GPHN: variants seen among roughly 807,000 people sequenced by gnomAD.
The protein encoded by GPHN is gephyrin.
GPHN carries 17 observed loss-of-function variants against 95.5 expected under a neutral mutation model. The ratio of observed to expected loss-of-function variants is 0.18; its 90% confidence interval spans 0.12 to 0.27. The LOEUF (loss-of-function observed/expected upper bound fraction) is 0.27. GPHN is among the 10% of genes least tolerant of loss of function. The pLI, the probability that GPHN is intolerant of heterozygous loss-of-function variation, is 1.00. For synonymous variants in GPHN, 320 were observed against 322.5 expected (o/e 0.99, Z 0.08); for missense variants, 660 against 978.1 (o/e 0.67, Z 4.34).
At chr14:67,048,843 A>C (rs1444427304) in intron 10 of GPHN, among the ~76,000 whole-genome samples, 2 of 152,248 alleles carry the variant, frequency 1.3e-5, no homozygotes, top group African/African-American at 2.4e-5. Context: ...AGTTTAATAA[A>C]GCTAATGCCC....
At chr14:67,063,833 TGAGACGATG>T (rs1295863617) in intron 11 of GPHN, among the ~76,000 whole-genome samples, 2 of 152,346 alleles carry the variant, frequency 1.3e-5, no homozygotes, top group Admixed American at 1.3e-4. Flanking sequence ...GATTTTGGGC[TGAGACGATG>T]GAGTTTTCTA....
At chr14:67,406,084 C>A in the GPHN span, among the ~76,000 whole-genome samples, 1 of 152,012 alleles carries the variant, frequency 6.6e-6, no homozygotes, top group Admixed American at 6.6e-5. Flanking sequence ...AAAGGTTAAA[C>A]CCCGTCTCTA....
At position 67,067,845 on chromosome 14, in the gene GPHN, G is replaced by A. The variant is rs374518252; in HGVS notation, c.1144+9059G>A. 1.2e-4 allele frequency among the ~76,000 whole-genome samples: 18 copies of A among 152,294 alleles called. No homozygotes were observed. The East Asian group carries it at 2.3e-3, about 20-fold the overall frequency. Reference sequence around the variant, plus strand: ...TTTGGGCAGGAATGCCCCGTTTTTCGAGGTACAATCTGTCACGGCTTCCCT... The same window carrying A: ...TTTGGGCAGGAATGCCCCGTTTTTCAAGGTACAATCTGTCACGGCTTCCCT... On this transcript the variant is annotated intron_variant, in intron 11 of 22. Coordinates refer to ENST00000478722, the MANE Select transcript of GPHN (RefSeq NM_020806.5).
intron 1 of GPHN, among the ~76,000 whole-genome samples, chr14:66,659,164 G>A (rs2065484458): frequency 6.6e-6 from 1 of 151,658 alleles, no homozygotes; most frequent in Non-Finnish European, 1.5e-5. Context: ...TACAGAGTGT[G>A]TGTGTGTGTT....
intron 4 of GPHN, among the ~76,000 whole-genome samples, chr14:66,864,440 A>G (rs117413539): frequency 0.012 from 1,833 of 152,278 alleles, 19 homozygotes; most frequent in Non-Finnish European, 0.018. Flanking sequence ...GAGCTACCAT[A>G]TGATCCAGCA....
At chr14:67,118,579 T>G (rs1350310602) in intron 16 of GPHN, among the ~76,000 whole-genome samples, 1 of 151,838 alleles carries the variant, frequency 6.6e-6, no homozygotes, top group Non-Finnish European at 1.5e-5. Flanking sequence ...TACAAAAAAA[T>G]TAGCCGGGTG....
intron 1 of GPHN, among the ~76,000 whole-genome samples, chr14:66,653,472 G>A (rs918587173): frequency 4.6e-5 from 7 of 152,106 alleles, no homozygotes; most frequent in African/African-American, 1.4e-4. Flanking sequence ...GTAATATTTA[G>A]CAAAACAGTA....
At chr14:66,983,685 T>C (rs192438003) in intron 9 of GPHN, among the ~76,000 whole-genome samples, 20 of 152,352 alleles carry the variant, frequency 1.3e-4, no homozygotes, top group Non-Finnish European at 2.4e-4. Flanking sequence ...TCTTATAATC[T>C]AGTTTTTACA....
chr14:67,166,114 G>A (rs72717317), intron 20 of GPHN, among the ~76,000 whole-genome samples: 7,736 of 152,166 alleles, frequency 0.051, 214 homozygotes, highest in Middle Eastern at 0.068. Flanking sequence ...AAATGGAAAT[G>A]TAAAGAAATG....
intron 2 of GPHN, among the ~76,000 whole-genome samples, chr14:66,770,091 C>T (rs1338433111): frequency 6.6e-6 from 1 of 152,100 alleles, no homozygotes; most frequent in Non-Finnish European, 1.5e-5. Flanking sequence ...TGATGTTGAG[C>T]TTTTTCTCAT....
At chr14:67,174,703 TAA>T (rs2082820039) in intron 21 of GPHN, among the ~76,000 whole-genome samples, 1 of 152,214 alleles carries the variant, frequency 6.6e-6, no homozygotes, top group African/African-American at 2.4e-5. Flanking sequence ...ACCAACAGTG[TAA>T]AAGTGTTCCT....
At chr14:67,183,709 A>T (rs112078143), downstream of GPHN, among the ~76,000 whole-genome samples, 463 of 151,336 alleles carry the variant, frequency 3.1e-3, 5 homozygotes, top group African/African-American at 0.011. Flanking sequence ...GATTACAGGC[A>T]TGCACCGCCA....
At chr14:67,285,875 G>T in the GPHN span, among the ~76,000 whole-genome samples, 1 of 152,044 alleles carries the variant, frequency 6.6e-6, no homozygotes, top group Non-Finnish European at 1.5e-5. Flanking sequence ...GTGGATTTGT[G>T]GACCCATGTG....
At chr14:66,545,779 A>T (rs1594902535) in intron 1 of GPHN, among the ~76,000 whole-genome samples, 1 of 139,858 alleles carries the variant, frequency 7.2e-6, no homozygotes, top group African/African-American at 2.7e-5. Flanking sequence ...CTGGCCGGGC[A>T]GAGGGGCTCC....
chr14:66,700,602 A>G (rs1162505771), intron 2 of GPHN, among the ~76,000 whole-genome samples: 1 of 152,126 alleles, frequency 6.6e-6, no homozygotes, highest in Non-Finnish European at 1.5e-5. Flanking sequence ...TTTATTATTC[A>G]TCCTAGAATA....
At chr14:66,681,491 G>A (rs749373905) in intron 2 of GPHN, among the ~76,000 whole-genome samples, 2 of 152,092 alleles carry the variant, frequency 1.3e-5, no homozygotes, top group Non-Finnish European at 2.9e-5. Context: ...GGGAAAGAGA[G>A]ATTGAATTTG....
At chr14:66,840,525 G>A (rs954683096) in intron 4 of GPHN, among the ~76,000 whole-genome samples, 4 of 152,054 alleles carry the variant, frequency 2.6e-5, no homozygotes, top group African/African-American at 9.7e-5. Context: ...TATGGTCTCT[G>A]TCAAAACTAC....
the GPHN span, among the ~76,000 whole-genome samples, chr14:67,655,527 C>CTT: frequency 5.7e-4 from 83 of 146,140 alleles, no homozygotes; most frequent in African/African-American, 1.9e-3. Flanking sequence ...TTCCCTATTA[C>CTT]TTTTTTTTTT....
chr14:66,774,064 C>T (rs1377758819), intron 2 of GPHN, among the ~76,000 whole-genome samples: 1 of 129,814 alleles, frequency 7.7e-6, no homozygotes, highest in African/African-American at 2.9e-5. Flanking sequence ...AGTGCAGTGG[C>T]TCAATCTCGG....
Sources: allele counts gnomAD v4.1 joint callset (sites outside exome capture counted in the v4.1 genomes callset), GRCh38; gene constraint gnomAD v4.1.1; transcripts MANE v1.5; gene names NCBI Gene and HGNC (gene_info 2026-07-23, HGNC 2026-07-21).